BRWD1: variants seen among roughly 807,000 people sequenced by gnomAD.
BRWD1 encodes bromodomain and WD repeat-containing protein 1.
In BRWD1, 82 loss-of-function variants were observed where a neutral mutation model predicts 251.2. That is an observed-to-expected ratio of 0.33 (90% CI 0.27 to 0.39). BRWD1 has a LOEUF of 0.39. Among genes scored for constraint, BRWD1 ranks in the 10% least tolerant of loss-of-function variants. The pLI is 1.00. For synonymous variants in BRWD1, 918 were observed against 902.8 expected (o/e 1.02, Z -0.30); for missense variants, 2,233 against 2,711.6 (o/e 0.82, Z 3.92).
chr21:39,286,619 A>G (rs1601464576), intron 8 of BRWD1, among the ~76,000 whole-genome samples: 1 of 151,418 alleles, frequency 6.6e-6, no homozygotes, highest in East Asian at 1.9e-4. Context: ...GCTTCAAGCG[A>G]TTCTCCTGCC....
chr21:39,268,117 T>C (rs547291719), intron 15 of BRWD1, among the ~76,000 whole-genome samples: 4 of 152,154 alleles, frequency 2.6e-5, no homozygotes, highest in Admixed American at 1.3e-4. Context: ...CCAATACTTG[T>C]GGGTAAAAAT....
intron 31 of BRWD1, 95 bp from the exon 32 acceptor site, chr21:39,215,457 ATAAT>A: frequency 2.7e-6 from 3 of 1,098,586 alleles, no homozygotes; most frequent in Admixed American, 4.3e-5. Context: ...CTGTGAAATA[ATAAT>A]TAAACCATAA....
chr21:39,217,034 T>A (rs866295122), intron 31 of BRWD1: 10 of 19,574 alleles, frequency 5.1e-4, no homozygotes, highest in East Asian at 2.3e-3. Context: ...TATATATATA[T>A]AAATATATAT....
intron 4 of BRWD1, among the ~76,000 whole-genome samples, chr21:39,301,706 G>C (rs1480103306): frequency 6.6e-6 from 1 of 151,876 alleles, no homozygotes; most frequent in Non-Finnish European, 1.5e-5. Flanking sequence ...TAAATTTTGG[G>C]GTAATTTGTT....
At chr21:39,302,540 T>C (rs2036153052) in intron 4 of BRWD1, among the ~76,000 whole-genome samples, 1 of 151,994 alleles carries the variant, frequency 6.6e-6, no homozygotes, top group African/African-American at 2.4e-5. Flanking sequence ...GCAGATCACC[T>C]GAGGTCAGGA....
At chr21:39,264,350 T>C (rs1264501878) in intron 17 of BRWD1, 110 bp downstream of exon 17, 9 of 713,620 alleles carry the variant, frequency 1.3e-5, no homozygotes, top group South Asian at 2.3e-5. Flanking sequence ...AAAACAAATA[T>C]TGCAAAATAT....
At chr21:39,231,649 C>T (rs960796161) in intron 25 of BRWD1, among the ~76,000 whole-genome samples, 4 of 152,148 alleles carry the variant, frequency 2.6e-5, no homozygotes, top group African/African-American at 9.7e-5. Context: ...AAAGCCTGGA[C>T]CACTTCACAC....
chr21:39,296,152 A>T, intron 6 of BRWD1, 113 bp downstream of exon 6: 1 of 854,594 alleles, frequency 1.2e-6, no homozygotes, highest in Non-Finnish European at 1.7e-6. Flanking sequence ...TATTACTATT[A>T]AAACAACATT....
chr21:39,268,376 G>A (rs1258189721), intron 15 of BRWD1, among the ~76,000 whole-genome samples: 3 of 150,668 alleles, frequency 2.0e-5, no homozygotes. Context: ...AGGAGGCGGA[G>A]GTCGCAGCGA....
At chr21:39,200,101 G>A (rs1601245782) in intron 39 of BRWD1, 118 bp downstream of exon 39, 1 of 978,890 alleles carries the variant, frequency 1.0e-6, no homozygotes, top group African/African-American at 1.7e-5. Context: ...TAAATCTAAG[G>A]AACCTAAAGG....
rs947772226 is a variant in BRWD1, at chr21:39,185,857, T to TA, written c.*10401dup. 27 of 152,312 alleles carry TA rather than the reference T, an allele frequency of 1.8e-4. 2 individuals are homozygous for TA. Among genetic ancestry groups the TA allele is most frequent in the African/African-American group, 6.5e-4 (27 of 41,582 alleles). The allele number at this position is 152,312 out of a possible 1,614,324, so 9.4% of individuals were successfully genotyped here. On this transcript the variant is annotated 3_prime_UTR_variant, in exon 41 of 41. Transcript: ENST00000342449. ...ACTTTCAACAACTTAATTTTTCCAG[T>TA]AACACGTTACTATGTTAAAAAGATG...
intron 3 of BRWD1, 58 bp from the exon 4 acceptor site, chr21:39,312,958 GGCGGGGGGCC>G: frequency 2.1e-6 from 1 of 487,114 alleles, no homozygotes; most frequent in Non-Finnish European, 2.9e-6. Flanking sequence ...GGGGGCGGGG[GGCGGGGGGCC>G]GGGGGCGGGC....
rs1043410504 is a variant in BRWD1, at chr21:39,189,540, T to C, written c.*6719A>G. ...ATACTTAAGGAAATTTGAACTTCAG[T>C]AACTATGCCCAAGGGAGGGAGAATT... On this transcript the variant is annotated 3_prime_UTR_variant, in exon 41 of 41. Transcript: ENST00000342449. 53 of 983,578 alleles carry C rather than the reference T, an allele frequency of 5.4e-5. No homozygotes were observed. The highest frequency in any genetic ancestry group is 6.4e-5 in the Non-Finnish European group (53 of 828,442). 60.9% of individuals were successfully genotyped at this position (983,578 alleles called of 1,614,324 possible).
At chr21:39,233,010 G>A (rs545310948) in intron 23 of BRWD1, among the ~76,000 whole-genome samples, 14 of 152,160 alleles carry the variant, frequency 9.2e-5, no homozygotes, top group East Asian at 5.8e-4. Context: ...TAATAAAGCC[G>A]ATGAGACTAT....
intron 34 of BRWD1, among the ~76,000 whole-genome samples, chr21:39,211,781 A>T (rs1481281932): frequency 6.6e-6 from 1 of 152,218 alleles, no homozygotes; most frequent in Non-Finnish European, 1.5e-5. Flanking sequence ...TATTTTAGGT[A>T]TAACTTTTCA....
chr21:39,309,621 G>A (rs8133981), intron 4 of BRWD1, among the ~76,000 whole-genome samples: 8,223 of 151,600 alleles, frequency 0.054, 735 homozygotes, highest in African/African-American at 0.19. Context: ...TCAGGAGATC[G>A]AGACCATCCT....
Position 39,287,046 on chromosome 21 carries a change from ACAT to A in BRWD1, c.831+6762_831+6764del, listed in dbSNP as rs1403871982. ...TGAACCATCCAAATCTACCTTGCTG[ACAT>A]CATCACTTCAACCCTAAAATCCTTA... On this transcript the variant is annotated intron_variant, in intron 8 of 40. Transcript: ENST00000342449. 2.0e-5 allele frequency among the ~76,000 whole-genome samples: 3 copies of A among 152,206 alleles called. No homozygotes were observed. The East Asian group carries it at 5.8e-4, about 29-fold the overall frequency.
In BRWD1 at chr21:39,303,583, T is replaced by G. The variant is rs1025149224; in HGVS notation, c.199-5001A>C. On this transcript the variant is annotated intron_variant, in intron 4 of 40. Coordinates refer to ENST00000342449, the MANE Select transcript of BRWD1 (RefSeq NM_033656.4). ...AAAGGAATAGTTAGGCCAGGCGAGG[T>G]CCACTTTGGGAGACTGACGGCAGAT... is the stretch of plus-strand genomic sequence containing the variant. 3.4e-4 allele frequency among the ~76,000 whole-genome samples: 51 copies of G among 147,912 alleles called. 2 individuals carry two copies. Among genetic ancestry groups the G allele is most frequent in the African/African-American group, 1.2e-3 (49 of 40,026 alleles).
intron 13 of BRWD1, among the ~76,000 whole-genome samples, 172 bp from the exon 14 acceptor site, chr21:39,270,605 GC>G (rs2035067990): frequency 6.6e-6 from 1 of 152,194 alleles, no homozygotes; most frequent in African/African-American, 2.4e-5. Context: ...ACAGGTGAGG[GC>G]AAAACCTGAA....
Sources: gnomAD v4.1 joint callset for allele counts (sites outside exome capture counted in the v4.1 genomes callset) on GRCh38, gnomAD v4.1.1 for gene constraint, MANE v1.5 for transcripts, NCBI Gene and HGNC (gene_info 2026-07-23, HGNC 2026-07-21) for gene names.